The following CRISPLD2 variants were observed in gnomAD, a reference collection of about 807,000 sequenced individuals.
The protein encoded by CRISPLD2 is cysteine rich secretory protein LCCL domain containing 2, also known as cysteine-rich secretory protein LCCL domain-containing 2.
Under a neutral mutation model 71.1 loss-of-function variants are expected in CRISPLD2, and 47 were observed. The observed-to-expected ratio is 0.66, with a 90% CI of 0.52 to 0.84. The LOEUF (loss-of-function observed/expected upper bound fraction) is 0.84. Ranked by LOEUF, CRISPLD2 falls within the 40% of genes least tolerant of loss-of-function variation. CRISPLD2 has a pLI of 0.00. For synonymous variants in CRISPLD2, 317 were observed against 250.1 expected (o/e 1.27, Z -2.52); for missense variants, 830 against 651.1 (o/e 1.27, Z -2.99).
chr16:84,847,449 A>G (rs939297376), intron 3 of CRISPLD2, among the ~76,000 whole-genome samples: 2 of 152,172 alleles, frequency 1.3e-5, no homozygotes, highest in Non-Finnish European at 2.9e-5. Context: ...CAGGAGTTCA[A>G]GACTATCCTG....
At chr16:84,853,091 G>C (rs1329071663) in intron 5 of CRISPLD2, among the ~76,000 whole-genome samples, 2 of 152,146 alleles carry the variant, frequency 1.3e-5, no homozygotes, top group African/African-American at 2.4e-5. Flanking sequence ...TTATTTGTCT[G>C]CAGGACCTGG....
intron 3 of CRISPLD2, among the ~76,000 whole-genome samples, chr16:84,848,664 C>T (rs1051786990): frequency 6.6e-6 from 1 of 152,278 alleles, no homozygotes; most frequent in South Asian, 2.1e-4. Context: ...TGGTCTCCAA[C>T]TCCTGACCTC....
At chr16:84,885,746 T>G (rs1003071232) in intron 13 of CRISPLD2, among the ~76,000 whole-genome samples, 1 of 152,168 alleles carries the variant, frequency 6.6e-6, no homozygotes, top group African/African-American at 2.4e-5. Flanking sequence ...GGCTCCACTT[T>G]TCTCTTTTGT....
chr16:84,837,343 G>A lies in CRISPLD2; in HGVS notation c.-74-1079G>A, dbSNP rs1041788437. On this transcript the variant is annotated intron_variant, in intron 1 of 14. Transcript: ENST00000262424. ...TCTGGGTCTTTGTAATCATCATTTC[G>A]AATTTCAGCATCTCTGCTTACCAGG... 3.3e-5 allele frequency among the ~76,000 whole-genome samples: 5 copies of A among 152,106 alleles called. No homozygotes were observed. In the East Asian group the frequency reaches 5.8e-4, roughly 18 times the overall value.
chr16:84,897,264 T>C lies in CRISPLD2; in HGVS notation c.1439+7901T>C, dbSNP rs370653930. 3.4e-5 allele frequency among the ~76,000 whole-genome samples: 5 copies of C among 146,956 alleles called. No individual in the cohort carries two copies. The East Asian group carries it at 6.0e-4, about 18-fold the overall frequency. ...TTCAAGACCAGCTTGACCAACAGGG[T>C]GTAATCCCATCTCTACTAAAAATAC... is the stretch of plus-strand genomic sequence containing the variant. On this transcript the variant is annotated intron_variant, in intron 14 of 14. Transcript: ENST00000262424.
chr16:84,837,364 C>T (rs1311214203), intron 1 of CRISPLD2, among the ~76,000 whole-genome samples: 1 of 151,488 alleles, frequency 6.6e-6, no homozygotes, highest in Non-Finnish European at 1.5e-5. Context: ...TCTCTGCTTA[C>T]CAGGAGGCCG....
chr16:84,866,671 C>G (rs1037814511), intron 6 of CRISPLD2, among the ~76,000 whole-genome samples: 1 of 152,108 alleles, frequency 6.6e-6, no homozygotes, highest in Non-Finnish European at 1.5e-5. Flanking sequence ...GATCTTGGGT[C>G]CAAAGCAAAC....
At chr16:84,856,470 G>A (rs867375313) in intron 6 of CRISPLD2, among the ~76,000 whole-genome samples, 8 of 152,066 alleles carry the variant, frequency 5.3e-5, no homozygotes, top group South Asian at 2.1e-4. Flanking sequence ...TGGTGGCAGC[G>A]TTCCTCCCTC....
intron 14 of CRISPLD2, among the ~76,000 whole-genome samples, chr16:84,904,687 G>A (rs1049974722): frequency 5.9e-5 from 9 of 151,982 alleles, no homozygotes; most frequent in African/African-American, 7.2e-5. Context: ...TTTTGACATC[G>A]GTGCCAGGAC....
intron 3 of CRISPLD2, among the ~76,000 whole-genome samples, chr16:84,847,398 TC>T (rs1256849321): frequency 6.6e-6 from 1 of 152,170 alleles, no homozygotes; most frequent in Non-Finnish European, 1.5e-5. Context: ...ATGCCTGTAA[TC>T]CCAGCACTTT....
At chr16:84,823,301 G>A (rs548879369) in intron 1 of CRISPLD2, among the ~76,000 whole-genome samples, 1 of 152,324 alleles carries the variant, frequency 6.6e-6, no homozygotes, top group South Asian at 2.1e-4. Flanking sequence ...GGCTTTTACA[G>A]AGGCTTCTGC....
Position 84,823,021 on chromosome 16 carries a change from G to A in CRISPLD2, c.-75+2888G>A, listed in dbSNP as rs542107295. 6.6e-5 allele frequency among the ~76,000 whole-genome samples: 10 copies of A among 152,176 alleles called. No homozygotes were observed. In the South Asian group the frequency reaches 8.3e-4, roughly 13 times the overall value. ...ACCCCAGGCCCATTAGGCATCATTC[G>A]CCATTCTCCTCCCTTCAGCCGCTCA... On this transcript the variant is annotated intron_variant, in intron 1 of 14. Transcript: ENST00000262424.
intron 1 of CRISPLD2, among the ~76,000 whole-genome samples, chr16:84,822,983 A>G (rs573132394): frequency 6.6e-6 from 1 of 152,314 alleles, no homozygotes; most frequent in African/African-American, 2.4e-5. Context: ...GCGTTTCATC[A>G]TCTCGTAAGG....
At chr16:84,830,927 A>G (rs1221576076) in intron 1 of CRISPLD2, among the ~76,000 whole-genome samples, 2 of 152,284 alleles carry the variant, frequency 1.3e-5, no homozygotes, top group African/African-American at 2.4e-5. Context: ...GAAGTTGGCC[A>G]TGGTGGGAGT....
At chr16:84,898,451 C>T (rs1264391109) in intron 14 of CRISPLD2, among the ~76,000 whole-genome samples, 2 of 152,148 alleles carry the variant, frequency 1.3e-5, no homozygotes, top group Non-Finnish European at 2.9e-5. Flanking sequence ...AGATCATGCA[C>T]ACCTCAGTGC....
In CRISPLD2 at chr16:84,877,433, C is replaced by T; in HGVS notation, c.1157-5C>T. ...TGACCCTTTCCCCCTTGCTCCTGTT[C>T]ACAGTGCAGGATTTGGACTGCTACA... On this transcript the variant is annotated splice_region_variant and splice_polypyrimidine_tract_variant and intron_variant, in intron 11 of 14. Coordinates refer to ENST00000262424, the MANE Select transcript of CRISPLD2 (RefSeq NM_031476.4). 2 of 1,613,636 alleles carry T rather than the reference C, an allele frequency of 1.2e-6. No individual in the cohort carries two copies. Among genetic ancestry groups the T allele is most frequent in the Non-Finnish European group, 8.5e-7 (1 of 1,179,664 alleles).
chr16:84,834,810 T>C (rs1366173438), intron 1 of CRISPLD2, among the ~76,000 whole-genome samples: 1 of 152,142 alleles, frequency 6.6e-6, no homozygotes, highest in Non-Finnish European at 1.5e-5. Context: ...TGTCCTCATG[T>C]GGTCGTCCTC....
chr16:84,844,535 G>C (rs1489238062), intron 2 of CRISPLD2, among the ~76,000 whole-genome samples: 1 of 150,480 alleles, frequency 6.6e-6, no homozygotes, highest in African/African-American at 2.5e-5. Context: ...GCTAATTTTT[G>C]TATCTTTAGT....
At chr16:84,868,601 A>G (rs1330291390) in intron 7 of CRISPLD2, among the ~76,000 whole-genome samples, 1 of 152,188 alleles carries the variant, frequency 6.6e-6, no homozygotes, top group East Asian at 1.9e-4. Context: ...CACTGTCCGC[A>G]TTGTCCATAT....
Sources: gnomAD v4.1 joint callset for allele counts (sites outside exome capture counted in the v4.1 genomes callset) on GRCh38, gnomAD v4.1.1 for gene constraint, MANE v1.5 for transcripts, NCBI Gene and HGNC (gene_info 2026-07-23, HGNC 2026-07-21) for gene names.